FAM228B: variants seen among roughly 807,000 people sequenced by gnomAD.
FAM228B encodes protein FAM228B.
In FAM228B, 38 loss-of-function variants were observed where a neutral mutation model predicts 42.6. The observed-to-expected ratio is 0.89, with a 90% CI of 0.69 to 1.17. The LOEUF (loss-of-function observed/expected upper bound fraction) is 1.17, where lower values mean the gene tolerates loss of function less well. Ranked by LOEUF, FAM228B falls within the 50% of genes most tolerant of loss-of-function variation. FAM228B has a pLI of 0.00. For missense variants in FAM228B, 344 were observed against 367.3 expected (o/e 0.94, Z 0.52); for synonymous variants, 109 against 122.3 (o/e 0.89, Z 0.72).
intron 5 of FAM228B, 108 bp from the exon 6 acceptor site, chr2:24,146,640 T>C: frequency 1.5e-6 from 1 of 649,748 alleles, no homozygotes; most frequent in Non-Finnish European, 2.6e-6. Flanking sequence ...ACCATATTAT[T>C]TACCCTCCCG....
At chr2:24,150,752 A>G (rs1043444613) in intron 7 of FAM228B, among the ~76,000 whole-genome samples, 3 of 151,468 alleles carry the variant, frequency 2.0e-5, no homozygotes, top group African/African-American at 7.3e-5. Flanking sequence ...ATGTCATGCC[A>G]CTCTCTCCTG....
At chr2:24,155,521 ATATATATATATTT>A (rs1375786971) in intron 7 of FAM228B, among the ~76,000 whole-genome samples, 11 of 21,502 alleles carry the variant, frequency 5.1e-4, no homozygotes, top group South Asian at 1.6e-3. Context: ...ATATATATAT[ATATATATATATTT>A]TTTTTTTTTT....
intron 3 of FAM228B, among the ~76,000 whole-genome samples, chr2:24,117,848 AG>A (rs1234655700): frequency 1.3e-5 from 2 of 152,240 alleles, no homozygotes; most frequent in Non-Finnish European, 2.9e-5. Flanking sequence ...GTCAGTCATA[AG>A]ACAACTGGCT....
chr2:24,135,450 C>T (rs569211343), intron 3 of FAM228B, among the ~76,000 whole-genome samples: 1 of 152,202 alleles, frequency 6.6e-6, no homozygotes, highest in South Asian at 2.1e-4. Context: ...TAGTGGGTTT[C>T]AGCAGTCACT....
At chr2:24,139,232 T>G (rs1666689837) in intron 4 of FAM228B, 138 bp from the exon 5 acceptor site, 1 of 435,504 alleles carries the variant, frequency 2.3e-6, no homozygotes, top group Non-Finnish European at 4.1e-6. Flanking sequence ...TGTAGCCTTG[T>G]CTTTCTTTTT....
chr2:24,162,209 A>G (rs1190360434), intron 8 of FAM228B, among the ~76,000 whole-genome samples: 2 of 152,216 alleles, frequency 1.3e-5, no homozygotes, highest in African/African-American at 4.8e-5. Context: ...ACTAAAGCTA[A>G]AAGGTTAGGA....
chr2:24,096,083 C>G (rs1475748024), intron 3 of FAM228B: 1 of 152,042 alleles, frequency 6.6e-6, no homozygotes, highest in Admixed American at 6.6e-5. Context: ...GGAATAGCAT[C>G]AACATCACCA....
chr2:24,123,264 C>G (rs1384212329), upstream of FAM228B: 4 of 152,160 alleles, frequency 2.6e-5, no homozygotes, highest in Non-Finnish European at 5.9e-5. Flanking sequence ...CTGTGGTGCC[C>G]GCAAGGACCC....
intron 3 of FAM228B, 47 bp from the exon 4 acceptor site, chr2:24,137,862 G>A (rs1441239005): frequency 7.3e-7 from 1 of 1,377,936 alleles, no homozygotes; most frequent in African/African-American, 1.5e-5. Flanking sequence ...TTTAGAACAA[G>A]AAAGCTTTAG....
Position 24,084,236 on chromosome 2 carries a change from G to A in FAM228B, c.-210+3281G>A. On this transcript the variant is annotated intron_variant, in intron 2 of 10. Transcript: ENST00000613899. The surrounding 1 kb of genome is among the most constrained non-coding windows in gnomAD (Gnocchi z 8.4). ...AGGGCGCTGGCCGCCACCTTCAGGA[G>A]GACTTCACCCTCCCCCGGGCTCGGC... 2 of 1,614,044 alleles carry A rather than the reference G, an allele frequency of 1.2e-6. No homozygotes were observed. The highest frequency in any genetic ancestry group is 1.7e-6 in the Non-Finnish European group (2 of 1,179,974).
Position 24,146,841 on chromosome 2 carries a change from T to C in FAM228B, c.529+6T>C, listed in dbSNP as rs370766714. The C allele has an allele frequency of 6.5e-7, 1 of 1,541,156 alleles. No homozygotes were observed. Among genetic ancestry groups the C allele is most frequent in the African/African-American group, 1.4e-5 (1 of 72,874 alleles). ...TCTTCTTCAGTGTGAGACTGGTACT[T>C]AGTTCCTAATTGTTATGTGATTTCA... is the stretch of plus-strand genomic sequence containing the variant. On this transcript the variant is annotated splice_donor_region_variant and intron_variant, in intron 6 of 10. Transcript: ENST00000615575.
At chr2:24,136,479 C>G (rs568166038) in intron 3 of FAM228B, among the ~76,000 whole-genome samples, 2 of 152,222 alleles carry the variant, frequency 1.3e-5, no homozygotes, top group African/African-American at 4.8e-5. Flanking sequence ...CCACCTCGGC[C>G]TCCCAAAGTG....
rs143877322 is a variant in FAM228B, at chr2:24,083,063, G to A, written c.-210+2108G>A. 58 of 1,614,170 alleles carry A rather than the reference G, an allele frequency of 3.6e-5. 1 individual carries two copies. The highest frequency in any genetic ancestry group is 1.4e-5 in the Non-Finnish European group (16 of 1,180,034). On this transcript the variant is annotated intron_variant, in intron 2 of 10. Transcript: ENST00000613899. ...TGTCCCCGATCTTCCAGTGTCCCTG[G>A]CAGCCAGGCCCCAGCTCTGCCACAT... is the stretch of plus-strand genomic sequence containing the variant.
Position 24,132,467 on chromosome 2 carries a change from T to G in FAM228B, c.100-2652T>G, listed in dbSNP as rs199898347. 5.2e-5 allele frequency among the ~76,000 whole-genome samples: 7 copies of G among 135,476 alleles called. No homozygotes were observed. In the East Asian group the frequency reaches 1.2e-3, roughly 24 times the overall value. 88.9% of individuals were successfully genotyped at this position (135,476 alleles called of 152,430 possible). Reference sequence around the variant, plus strand: ...GAATCCCTCTGGTCCTGGGATTGTTTTTTTTTTTTTTTTTTTTTTTTTTGG... The same window carrying G: ...GAATCCCTCTGGTCCTGGGATTGTTGTTTTTTTTTTTTTTTTTTTTTTTGG... On this transcript the variant is annotated intron_variant, in intron 2 of 10. Transcript: ENST00000615575.
chr2:24,092,788 T>C (rs1416144536), intron 2 of FAM228B, among the ~76,000 whole-genome samples: 1 of 152,174 alleles, frequency 6.6e-6, no homozygotes, highest in Non-Finnish European at 1.5e-5. Context: ...TTGTGAATTC[T>C]ATGCATCCAC....
Position 24,141,305 on chromosome 2 carries a change from G to A in FAM228B, c.441+1855G>A, listed in dbSNP as rs543055696. Among the ~76,000 whole-genome samples the A allele has an allele frequency of 1.4e-4, 21 of 152,172 alleles. No homozygotes were observed. In the South Asian group the frequency reaches 2.9e-3, roughly 21 times the overall value. On this transcript the variant is annotated intron_variant, in intron 5 of 10. Transcript: ENST00000615575. ...GTCACCCAGGTTGGAGTGCAGTGGC[G>A]TGATCTTGGCTTACTGCAACCTCCG...
In FAM228B at chr2:24,077,026, A is replaced by AG. The variant is rs1406931854; in HGVS notation, c.-290+58dup. On this transcript the variant is annotated intron_variant, in intron 1 of 10. Coordinates refer to the FAM228B transcript ENST00000613899. The surrounding 1 kb of genome is among the most constrained non-coding windows in gnomAD (Gnocchi z 5.5). ...GGGTGGTGGAGGTGCGGCGGGGCCCAGAAGTGTAGCAGGAGGTGGTTGGGG... is the reference window on the plus strand; with the variant it reads ...GGGTGGTGGAGGTGCGGCGGGGCCCAGGAAGTGTAGCAGGAGGTGGTTGGGG... 6.3e-6 allele frequency: 1 copy of AG among 158,158 alleles called. No homozygotes were observed. The highest frequency in any genetic ancestry group is 2.0e-4 in the East Asian group (1 of 4,968). 9.8% of individuals were successfully genotyped at this position (158,158 alleles called of 1,614,324 possible).
chr2:24,158,568 T>A (rs2151029616), intron 7 of FAM228B, among the ~76,000 whole-genome samples: 1 of 152,238 alleles, frequency 6.6e-6, no homozygotes, highest in Admixed American at 6.5e-5. Context: ...AACTTTAATC[T>A]GATGTGTGAG....
At position 24,161,533 on chromosome 2, in the gene FAM228B, CTG is replaced by C. The variant is rs748531690; in HGVS notation, c.716_717del (p.Cys239Ter). The C allele has an allele frequency of 8.4e-6, 13 of 1,544,318 alleles. No homozygotes were observed. Among genetic ancestry groups the C allele is most frequent in the Non-Finnish European group, 1.8e-6 (2 of 1,140,512 alleles). On this transcript the variant is annotated frameshift_variant, in exon 8 of 11. Transcript: ENST00000615575. LOFTEE classifies it high-confidence loss of function. The stretch of plus-strand genomic sequence containing the variant: ...TAAAGGTGAAAGTGAATTTTAATGA[CTG>C]TAGTTTTGATTTGAAACCTTTGGCA... Reference protein sequence around the residue: ...RLKVKVNFNDCSFDLKPLARA... With the variant: ...RLKVKVNFNDXSFDLKPLARA...
Sources: gnomAD v4.1 joint callset for allele counts (sites outside exome capture counted in the v4.1 genomes callset) on GRCh38, gnomAD v4.1.1 for gene constraint, Gnocchi (gnomAD v3.1) non-coding constraint, MANE v1.5 for transcripts, NCBI Gene and HGNC (gene_info 2026-07-23, HGNC 2026-07-21) for gene names.